The following VIRMA variants were observed in gnomAD, a reference collection of about 807,000 sequenced individuals.
VIRMA encodes vir like m6A methyltransferase associated.
In VIRMA, 65 loss-of-function variants were observed where a neutral mutation model predicts 182.4. That is an observed-to-expected ratio of 0.36 (90% CI 0.29 to 0.44). VIRMA has a LOEUF of 0.44. Among genes scored for constraint, VIRMA ranks in the 20% least tolerant of loss-of-function variants. The pLI, the probability that VIRMA is intolerant of heterozygous loss-of-function variation, is 1.00. For missense variants in VIRMA, 1,752 were observed against 2,158.1 expected, an observed-to-expected ratio of 0.81 and a Z score of 3.73; for synonymous variants, 709 against 743.1, an observed-to-expected ratio of 0.95 and a Z score of 0.75.
At chr8:94,546,568 A>G (rs1161752110) in intron 1 of VIRMA, among the ~76,000 whole-genome samples, 1 of 150,942 alleles carries the variant, frequency 6.6e-6, no homozygotes. Flanking sequence ...TTTGTTTTTT[A>G]AATTTTTATT....
At chr8:94,549,709 T>C (rs1359483210) in intron 1 of VIRMA, among the ~76,000 whole-genome samples, 1 of 152,200 alleles carries the variant, frequency 6.6e-6, no homozygotes, top group African/African-American at 2.4e-5. Flanking sequence ...AAATGTATGA[T>C]GGTGGATCTT....
At chr8:94,502,488 ATC>A (rs1243436449) in intron 16 of VIRMA, among the ~76,000 whole-genome samples, 5 of 151,762 alleles carry the variant, frequency 3.3e-5, no homozygotes, top group East Asian at 1.9e-4. Context: ...TAAAATATGT[ATC>A]TGTTTTATGT....
At chr8:94,534,077 C>G (rs1815256935) in intron 5 of VIRMA, 1 of 152,146 alleles carries the variant, frequency 6.6e-6, no homozygotes, top group South Asian at 2.1e-4. Context: ...AGAAGAGATT[C>G]TGAGAAACAT....
In VIRMA at chr8:94,511,535, T is replaced by G. The variant is rs897882219; in HGVS notation, c.3040A>C (p.Lys1014Gln). ...CTCAGGAGTTCCGTTAACATAGTTT[T>G]AAGAAGAGTGAGTGTGCAGCGAGCC... is the stretch of plus-strand genomic sequence containing the variant. Reference protein sequence around the residue: ...SMARCTLTLLKTMLTELLRGG... With the variant: ...SMARCTLTLLQTMLTELLRGG... The change falls in exon 13 of 24, where the codon AAA becomes CAA. Residue 1014 changes from lysine to glutamine, a missense_variant. By Grantham distance (53) the Lys-to-Gln change is moderately conservative. Coordinates refer to ENST00000297591, the MANE Select transcript of VIRMA (RefSeq NM_015496.5). 1.9e-6 allele frequency: 3 copies of G among 1,614,030 alleles called. No homozygotes were observed. The highest frequency in any genetic ancestry group is 2.5e-6 in the Non-Finnish European group (3 of 1,180,018).
chr8:94,517,838 G>A lies in VIRMA; in HGVS notation c.2618C>T (p.Ala873Val), dbSNP rs1013476694. The part of the protein sequence containing the change: ...SDVQMLEQHA[A>V]SLLKLCKADE... ...TGCTTTACAAAGCTTCAAGAGAGAT[G>A]CTGCATGTTGTTCTAGCATTTGAAC... The change falls in exon 10 of 24, where the codon GCA becomes GTA. Residue 873 changes from alanine (A) to valine (V), a missense_variant. Physicochemically the swap from Ala to Val is moderately conservative, Grantham distance 64. Transcript: ENST00000297591. 6.2e-7 allele frequency: 1 copy of A among 1,612,336 alleles called. No homozygotes were observed. The highest frequency in any genetic ancestry group is 1.1e-5 in the South Asian group (1 of 90,882).
intron 17 of VIRMA, chr8:94,498,739 G>A (rs1813872851): frequency 6.6e-6 from 1 of 152,290 alleles, no homozygotes; most frequent in Admixed American, 6.5e-5. Flanking sequence ...AAAGTGATGG[G>A]ATTAGAGGCA....
intron 8 of VIRMA, among the ~76,000 whole-genome samples, chr8:94,524,149 G>A (rs1002094013): frequency 1.0e-4 from 15 of 150,418 alleles, no homozygotes; most frequent in Admixed American, 2.0e-4. Context: ...ACACCCATGC[G>A]CCACCATGCC....
chr8:94,538,140 A>T, intron 3 of VIRMA, 120 bp downstream of exon 3: 1 of 717,220 alleles, frequency 1.4e-6, no homozygotes, highest in Non-Finnish European at 2.5e-6. Context: ...TGACACAATT[A>T]AACCCTGTGT....
At chr8:94,501,704 T>C (rs767549358) in intron 16 of VIRMA, among the ~76,000 whole-genome samples, 1 of 152,112 alleles carries the variant, frequency 6.6e-6, no homozygotes, top group Non-Finnish European at 1.5e-5. Context: ...ACACCTATAA[T>C]CCCAGCATTT....
chr8:94,521,285 TGTAA>T (rs1233079651), intron 8 of VIRMA, among the ~76,000 whole-genome samples: 5 of 152,152 alleles, frequency 3.3e-5, no homozygotes, highest in African/African-American at 1.2e-4. Context: ...AGCTCCCACT[TGTAA>T]GTGAGAACAT....
At chr8:94,488,934 A>G in intron 23 of VIRMA, 74 bp from the exon 24 acceptor site, 1 of 1,495,112 alleles carries the variant, frequency 6.7e-7, no homozygotes, top group Non-Finnish European at 9.1e-7. Context: ...AATCTACGAC[A>G]CTGAGCTCAA....
Position 94,550,527 on chromosome 8 carries a change from C to T in VIRMA, c.63+2858G>A, listed in dbSNP as rs1256152771. Among the ~76,000 whole-genome samples the T allele has an allele frequency of 2.0e-5, 3 of 152,052 alleles. No individual in the cohort carries two copies. In the East Asian group the frequency reaches 5.8e-4, roughly 29 times the overall value. On this transcript the variant is annotated intron_variant, in intron 1 of 23. Transcript: ENST00000297591. ...CAGGATGGTCTCGATCTCCTGACCT[C>T]GTGATCCGCTTGCCTCGGCCTCCCA...
rs911151570 is a variant in VIRMA, at chr8:94,490,007, T to C, written c.5216A>G (p.Glu1739Gly). ...AAAATTGCTCTGGCCTCCACGACTTTCATTGTAATTTCCTCGAGGAGTATT... is the reference window on the plus strand; with the variant it reads ...AAAATTGCTCTGGCCTCCACGACTTCCATTGTAATTTCCTCGAGGAGTATT... ...AQNTPRGNYN[E>G]SRGGQSNFNR... Residue 1739 changes from glutamate to glycine, a missense_variant, in exon 23 of 24, where the codon GAA (glutamate) becomes GGA (glycine). Physicochemically the swap from Glu to Gly is moderately conservative, Grantham distance 98. Around this residue, in one of 11 missense-constraint regions of VIRMA, gnomAD observed 132 missense variants for 173.8 expected, o/e 0.76. Transcript: ENST00000297591. 7 of 1,614,058 alleles carry C rather than the reference T, an allele frequency of 4.3e-6. No homozygotes were observed. The highest frequency in any genetic ancestry group is 5.1e-6 in the Non-Finnish European group (6 of 1,180,030).
chr8:94,499,533 ATAT>A (rs768466711), intron 16 of VIRMA, 27 bp from the exon 17 acceptor site: 9 of 1,373,380 alleles, frequency 6.6e-6, no homozygotes, highest in Middle Eastern at 1.9e-4. Flanking sequence ...TAAAGAGAAG[ATAT>A]TATCTTAAAA....
chr8:94,523,974 C>CTG (rs369708830), intron 8 of VIRMA, among the ~76,000 whole-genome samples: 14,511 of 147,700 alleles, frequency 0.098, 940 homozygotes, highest in Middle Eastern at 0.22. Flanking sequence ...TTGTGTGTGT[C>CTG]TGTGTGTGTG....
At position 94,517,949 on chromosome 8, in the gene VIRMA, C is replaced by A; in HGVS notation, c.2514-7G>T. 6.3e-7 allele frequency: 1 copy of A among 1,596,286 alleles called. No individual in the cohort carries two copies. The highest frequency in any genetic ancestry group is 8.5e-7 in the Non-Finnish European group (1 of 1,173,866). On this transcript the variant is annotated splice_polypyrimidine_tract_variant and splice_region_variant and intron_variant, in intron 9 of 23. Coordinates refer to ENST00000297591, the MANE Select transcript of VIRMA (RefSeq NM_015496.5). ...CTTCTTAGATTTGGAATCACTGAAACAAAATAAGGTTTTTAAGTTTTGGAT... is the reference window on the plus strand; with the variant it reads ...CTTCTTAGATTTGGAATCACTGAAAAAAAATAAGGTTTTTAAGTTTTGGAT...
At chr8:94,530,520 AAG>A (rs1815135143) in intron 6 of VIRMA, among the ~76,000 whole-genome samples, 1 of 151,956 alleles carries the variant, frequency 6.6e-6, no homozygotes, top group Admixed American at 6.6e-5. Context: ...AGAAAAAAGA[AAG>A]AAAGAAAAAA....
rs375990280 is a variant in VIRMA at position 94,551,087 on chromosome 8, C to G, written c.63+2298G>C. Among the ~76,000 whole-genome samples, 7 of 152,162 alleles carry G rather than the reference C, an allele frequency of 4.6e-5. No individual in the cohort carries two copies. In the East Asian group the frequency reaches 5.8e-4, roughly 13 times the overall value. The stretch of plus-strand genomic sequence containing the variant: ...ATCTGTCTTTGAATTGCCTTGGGTG[C>G]CACTTCACACTGCTACTTCAAGCAT... On this transcript the variant is annotated intron_variant, in intron 1 of 23. Coordinates refer to ENST00000297591, the MANE Select transcript of VIRMA (RefSeq NM_015496.5).
At chr8:94,513,836 G>A (rs1010713195) in intron 11 of VIRMA, among the ~76,000 whole-genome samples, 2 of 152,134 alleles carry the variant, frequency 1.3e-5, no homozygotes, top group African/African-American at 4.8e-5. Context: ...AAAAGTTCTA[G>A]ATGTCATTTG....
Sources: allele counts gnomAD v4.1 joint callset (sites outside exome capture counted in the v4.1 genomes callset), GRCh38; gene constraint gnomAD v4.1.1; regional missense constraint gnomAD v4.1.1; transcripts MANE v1.5; gene names NCBI Gene and HGNC (gene_info 2026-07-23, HGNC 2026-07-21).